The following UBXN11 variants were observed in gnomAD, a reference collection of about 807,000 sequenced individuals.
UBXN11 encodes UBX domain-containing protein 11.
UBXN11 carries 47 observed loss-of-function variants against 62.8 expected under a neutral mutation model. The ratio of observed to expected loss-of-function variants is 0.75; its 90% CI spans 0.59 to 0.95. The LOEUF is 0.95. UBXN11 is among the 40% of genes least tolerant of loss of function. UBXN11 has a pLI of 0.00. For missense variants in UBXN11, 638 were observed against 661.7 expected (o/e 0.96, Z 0.39); for synonymous variants, 294 against 267.0 (o/e 1.10, Z -0.99).
rs749968828 is a variant in UBXN11, at chr1:26,284,183, C to T, written c.1036G>A (p.Glu346Lys). The change falls in exon 12 of 15, where the codon GAG (glutamate) becomes AAG (lysine). Residue 346 changes from glutamate to lysine, a missense_variant. Physicochemically the swap from Glu to Lys is moderately conservative, Grantham distance 56. Transcript: ENST00000374222. ...ATGGGGCCCCGGATGTCAATCACCT[C>T]GCCTTGCCGGATCACAAACTTGGGG... ...RLPKFVIRQG[E>K]VIDIRGPIRD... The T allele has an allele frequency of 1.2e-5, 19 of 1,613,078 alleles. No homozygotes were observed. The highest frequency in any genetic ancestry group is 2.7e-5 in the African/African-American group (2 of 74,900).
intron 8 of UBXN11, among the ~76,000 whole-genome samples, chr1:26,287,238 T>C (rs2073153590): frequency 6.6e-6 from 1 of 152,044 alleles, no homozygotes; most frequent in Non-Finnish European, 1.5e-5. Flanking sequence ...GGACAGACCT[T>C]AGGTTGTGCA....
In UBXN11 at chr1:26,282,328, AGGGACTGGGGCCGGGACC is replaced by A. The variant is rs1222220445; in HGVS notation, c.1516_1533del (p.Gly506_Pro511del). ...TGGGGGCTGGGACTGGGTCCAGGAC[AGGGACTGGGGCCGGGACC>A]GGGACCGGGACTGGGGCCGGGACCG... On this transcript the variant is annotated inframe_deletion, in exon 15 of 15. Coordinates refer to ENST00000374222, the MANE Select transcript of UBXN11 (RefSeq NM_001389556.1). 1.6e-4 allele frequency: 126 copies of A among 778,126 alleles called. 2 individuals carry two copies. The East Asian group carries it at 1.7e-3, about 11-fold the overall frequency. 48.2% of individuals were successfully genotyped at this position (778,126 alleles called of 1,614,324 possible).
At position 26,297,012 on chromosome 1, in the gene UBXN11, G is replaced by C. The variant is rs966602660; in HGVS notation, c.356-17C>G. ...TTGCCTCGGCTTCAGGGAAAGACAGGGACAGGCTTCAGCTGCCCCAGCAAG... is the reference window on the plus strand; with the variant it reads ...TTGCCTCGGCTTCAGGGAAAGACAGCGACAGGCTTCAGCTGCCCCAGCAAG... On this transcript the variant is annotated splice_polypyrimidine_tract_variant and intron_variant, in intron 6 of 14. Transcript: ENST00000374222. 8 of 1,592,868 alleles carry C rather than the reference G, an allele frequency of 5.0e-6. No homozygotes were observed. In the South Asian group the frequency reaches 9.1e-5, roughly 18 times the overall value.
chr1:26,297,609 G>T, intron 5 of UBXN11, 128 bp from the exon 6 acceptor site: 1 of 1,167,678 alleles, frequency 8.6e-7, no homozygotes, highest in Non-Finnish European at 1.2e-6. Flanking sequence ...CTTTGGCACA[G>T]CCACTTCTCC....
chr1:26,286,287 C>T (rs2073132639), intron 8 of UBXN11, among the ~76,000 whole-genome samples: 1 of 152,196 alleles, frequency 6.6e-6, no homozygotes, highest in Admixed American at 6.5e-5. Flanking sequence ...CTATAATCAC[C>T]TCCATTTTTT....
chr1:26,300,843 G>C, intron 4 of UBXN11, 83 bp downstream of exon 4: 2 of 1,601,702 alleles, frequency 1.2e-6, no homozygotes, highest in Non-Finnish European at 1.7e-6. Flanking sequence ...CGAGAGGAAG[G>C]GCCATGCCTC....
At chr1:26,307,624 CT>C (rs58120340), upstream of UBXN11, among the ~76,000 whole-genome samples, 1,283 of 127,862 alleles carry the variant, frequency 0.01, 10 homozygotes, top group African/African-American at 0.024. Flanking sequence ...TTTTCTGTTG[CT>C]TTTTTTTTTT....
chr1:26,282,615 C>G (rs756296771), intron 14 of UBXN11, 34 bp downstream of exon 14: 40 of 1,612,888 alleles, frequency 2.5e-5, no homozygotes, highest in Non-Finnish European at 3.4e-5. Flanking sequence ...GGGACCAGAG[C>G]CCCTCTGTGG....
intron 4 of UBXN11, among the ~76,000 whole-genome samples, chr1:26,300,722 G>C (rs561066152): frequency 3.3e-5 from 5 of 152,208 alleles, no homozygotes; most frequent in Non-Finnish European, 7.3e-5. Context: ...CTGGGGCTGG[G>C]GCTGGGCCTC....
At chr1:26,301,613 G>C in intron 3 of UBXN11, 81 bp downstream of exon 3, 1 of 1,578,366 alleles carries the variant, frequency 6.3e-7, no homozygotes, top group Non-Finnish European at 8.6e-7. Flanking sequence ...CCTTTCTCGT[G>C]TGATTTCTCT....
At chr1:26,315,598 C>T (rs4501829) in intron 1 of UBXN11, among the ~76,000 whole-genome samples, 133,075 of 152,282 alleles carry the variant, frequency 0.87, 59,125 homozygotes, top group Non-Finnish European at 0.93. Flanking sequence ...TCTCCCTCCC[C>T]GCCCCTCCCT....
chr1:26,289,998 C>T (rs952691024), intron 8 of UBXN11, among the ~76,000 whole-genome samples: 10 of 152,260 alleles, frequency 6.6e-5, no homozygotes, highest in Non-Finnish European at 1.2e-4. Flanking sequence ...CCCGCCAGAA[C>T]ACTCAACCAG....
chr1:26,293,183 A>G (rs2073311482), intron 8 of UBXN11, among the ~76,000 whole-genome samples: 1 of 151,998 alleles, frequency 6.6e-6, no homozygotes, highest in African/African-American at 2.4e-5. Flanking sequence ...AGGGAAGAAC[A>G]CTCCTGTTTT....
At chr1:26,284,291 G>T (rs1400732031) in intron 11 of UBXN11, 46 bp from the exon 12 acceptor site, 1 of 1,610,064 alleles carries the variant, frequency 6.2e-7, no homozygotes, top group East Asian at 2.2e-5. Context: ...ACTATGAGTG[G>T]TGGTGGAGCC....
At chr1:26,297,233 T>C (rs1478259218) in intron 6 of UBXN11, among the ~76,000 whole-genome samples, 194 bp downstream of exon 6, 1 of 152,158 alleles carries the variant, frequency 6.6e-6, no homozygotes, top group East Asian at 1.9e-4. Context: ...CGGTCCCATG[T>C]AGGAGGGCAT....
chr1:26,305,757 G>C (rs1222596277), intron 1 of UBXN11, among the ~76,000 whole-genome samples: 1 of 151,740 alleles, frequency 6.6e-6, no homozygotes, highest in African/African-American at 2.4e-5. Flanking sequence ...CTTCTTAATG[G>C]GACCCCATCA....
At position 26,282,368 on chromosome 1, in the gene UBXN11, ACCGGGACCGGGACTGGGGCCGGGACCGG is replaced by A; in HGVS notation, c.1466_1493del (p.Pro489LeufsTer?). 5 of 850,900 alleles carry A rather than the reference ACCGGGACCGGGACTGGGGCCGGGACCGG, an allele frequency of 5.9e-6. No homozygotes were observed. In the South Asian group the frequency reaches 8.4e-5, roughly 14 times the overall value. The allele number at this position is 850,900 out of a possible 1,614,324, so 52.7% of individuals were successfully genotyped here. A position where few individuals can be genotyped will look rare whatever the true frequency, so the allele number is the denominator to read the frequency against. On this transcript the variant is annotated frameshift_variant, in exon 15 of 15. Coordinates refer to ENST00000374222, the MANE Select transcript of UBXN11 (RefSeq NM_001389556.1). LOFTEE classifies it low-confidence loss of function (END_TRUNC). ...GACCGGGACCGGGACTGGGGCCGGG[ACCGGGACCGGGACTGGGGCCGGGACCGG>A]GACCGGGACAGGGACCAGGACTGAA...
At chr1:26,298,136 A>T in intron 4 of UBXN11, 74 bp from the exon 5 acceptor site, 1 of 1,473,470 alleles carries the variant, frequency 6.8e-7, no homozygotes, top group Non-Finnish European at 9.2e-7. Context: ...GGAGGAGGAT[A>T]GGGGTCCCAG....
intron 2 of UBXN11, among the ~76,000 whole-genome samples, chr1:26,301,949 G>A (rs2073547868): frequency 6.6e-6 from 1 of 152,192 alleles, no homozygotes; most frequent in South Asian, 2.1e-4. Context: ...TGGGGAAGGG[G>A]TGAAGAGCAG....
Sources: allele counts gnomAD v4.1 joint callset (sites outside exome capture counted in the v4.1 genomes callset), GRCh38; gene constraint gnomAD v4.1.1; transcripts MANE v1.5; gene names NCBI Gene and HGNC (gene_info 2026-07-23, HGNC 2026-07-21).